Variants in SRRM2 observed in about 807,000 individuals in gnomAD.
SRRM2 encodes serine/arginine repetitive matrix 2, also known as serine/arginine repetitive matrix protein 2.
Under a neutral mutation model 213.8 loss-of-function variants are expected in SRRM2, and 30 were observed. That is an observed-to-expected ratio of 0.14 (90% CI 0.10 to 0.19). SRRM2 has a LOEUF of 0.19. Ranked by LOEUF, SRRM2 falls within the 10% of genes least tolerant of loss-of-function variation. SRRM2 has a pLI of 1.00. For missense variants in SRRM2, 4,904 were observed against 3,647.0 expected (o/e 1.34, Z -8.88); for synonymous variants, 2,025 against 1,377.7 (o/e 1.47, Z -10.40).
At position 2,759,657 on chromosome 16, in the gene SRRM2, A is replaced by G. The variant is rs1218261783; in HGVS notation, c.829A>G (p.Ser277Gly). 6.2e-7 allele frequency: 1 copy of G among 1,613,558 alleles called. No homozygotes were observed. The highest frequency in any genetic ancestry group is 2.2e-5 in the East Asian group (1 of 44,884). ...DSASSSDTSR[S>G]RSRSAAAKTH... ...TGCTTCCTCCTCCGATACTTCCCGC[A>G]GTCGGTAAGGGGTAGTCCAGGAGGA... Residue 277 changes from serine (S) to glycine (G), a missense_variant, in exon 9 of 15, where the codon AGT (serine) becomes GGT (glycine). Ser to Gly is a moderately conservative substitution (Grantham distance 56, BLOSUM62 0). Coordinates refer to ENST00000301740, the MANE Select transcript of SRRM2 (RefSeq NM_016333.4).
At position 2,762,446 on chromosome 16, in the gene SRRM2, C is replaced by T. The variant is rs749895310; in HGVS notation, c.1918C>T (p.Pro640Ser). ...ACGACGCAGGTCTCGTAGTAGATCA[C>T]CAGCCAGGAGAAGTGGCAGGTCACG... ...PVRRRSRSRSPARRSGRSRSR... is the reference protein window; with the variant it reads ...PVRRRSRSRSSARRSGRSRSR... The change falls in exon 11 of 15, where the codon CCA becomes TCA. Residue 640 changes from proline (P) to serine (S), a missense_variant. Physicochemically the swap from Pro to Ser is moderately conservative, Grantham distance 74. Transcript: ENST00000301740. 1.9e-6 allele frequency: 3 copies of T among 1,613,384 alleles called. No individual in the cohort carries two copies. The highest frequency in any genetic ancestry group is 2.5e-6 in the Non-Finnish European group (3 of 1,179,846).
chr16:2,770,876 T>C lies in SRRM2; in HGVS notation c.*9T>C, dbSNP rs761019260. On this transcript the variant is annotated 3_prime_UTR_variant, in exon 15 of 15. Transcript: ENST00000301740. ...CTTGCAGGTCTCCATAAATTGTCTT[T>C]GGGGGATTCCACCACACCCAATGCT... The C allele has an allele frequency of 1.9e-6, 3 of 1,613,904 alleles. No homozygotes were observed. The highest frequency in any genetic ancestry group is 1.7e-4 in the Middle Eastern group (1 of 5,954).
In SRRM2 at chr16:2,762,185, A is replaced by C; in HGVS notation, c.1657A>C (p.Arg553=). The C allele has an allele frequency of 1.2e-6, 2 of 1,614,090 alleles. No individual in the cohort carries two copies. The highest frequency in any genetic ancestry group is 1.7e-6 in the Non-Finnish European group (2 of 1,179,990). ...GAGCAGAAATACCCAGAGAAGAGGC[A>C]GGTCTAGGTCAGCAAGGCGAGGGAG... The part of the protein sequence containing the change: ...SRSRNTQRRG[R]SRSARRGRSH... The change falls in exon 11 of 15, where the codon AGG becomes CGG. Residue 553 remains arginine (R), a synonymous_variant. Coordinates refer to ENST00000301740, the MANE Select transcript of SRRM2 (RefSeq NM_016333.4).
At chr16:2,755,840 C>T (rs1249701708) in intron 1 of SRRM2, among the ~76,000 whole-genome samples, 1 of 152,070 alleles carries the variant, frequency 6.6e-6, no homozygotes. Flanking sequence ...TTGGGAGAGT[C>T]TTTGGACATG....
At chr16:2,758,165 G>A (rs1262609668) in intron 4 of SRRM2, among the ~76,000 whole-genome samples, 2 of 152,170 alleles carry the variant, frequency 1.3e-5, no homozygotes, top group African/African-American at 4.8e-5. Flanking sequence ...CTTGAGGCCA[G>A]GAGTTTGAGA....
At chr16:2,753,558 C>T (rs1223852270) in intron 1 of SRRM2, 1 of 152,206 alleles carries the variant, frequency 6.6e-6, no homozygotes, top group Non-Finnish European at 1.5e-5. Flanking sequence ...ACTTTTTCAA[C>T]GTCTCCCGAG....
chr16:2,769,108 C>T lies in SRRM2; in HGVS notation c.7845C>T (p.Ser2615=), dbSNP rs149795306. ...CTAGCAGTTCCAGTTCCAGCTCCTC[C>T]TCTTCATCTTCCTCCTCCTCCTCCT... The part of the protein sequence containing the change: ...RRSSSSSSSS[S]SSSSSSSSSS... Residue 2615 remains serine, a synonymous_variant, in exon 12 of 15, where the codon TCC becomes TCT. Coordinates refer to ENST00000301740, the MANE Select transcript of SRRM2 (RefSeq NM_016333.4). 3.1e-6 allele frequency: 5 copies of T among 1,613,880 alleles called. No homozygotes were observed. Among genetic ancestry groups the T allele is most frequent in the South Asian group, 1.1e-5 (1 of 91,080 alleles).
rs142769330 is a variant in SRRM2, at chr16:2,767,730, T to G, written c.7202T>G (p.Leu2401Arg). The G allele has an allele frequency of 6.3e-5, 102 of 1,612,540 alleles. No individual in the cohort carries two copies. The highest frequency in any genetic ancestry group is 8.2e-5 in the Non-Finnish European group (97 of 1,179,774). ...ERVSGRTSPPLLDRARSRTPP... is the reference protein window; with the variant it reads ...ERVSGRTSPPRLDRARSRTPP... The stretch of plus-strand genomic sequence containing the variant: ...GTCAGTGGCAGAACCTCACCACCGC[T>G]CCTTGACCGAGCTAGGTCCAGAACA... Residue 2401 changes from leucine (L) to arginine (R), a missense_variant, in exon 11 of 15, where the codon CTC (leucine) becomes CGC (arginine). Leu to Arg is a moderately radical substitution (Grantham distance 102). Coordinates refer to ENST00000301740, the MANE Select transcript of SRRM2 (RefSeq NM_016333.4).
intron 1 of SRRM2, among the ~76,000 whole-genome samples, chr16:2,756,069 G>T (rs920821873): frequency 2.0e-5 from 3 of 152,218 alleles, no homozygotes; most frequent in African/African-American, 7.2e-5. Context: ...TTAGGTGTAG[G>T]GAGGGATTAT....
rs111721270 is a variant in SRRM2 at position 2,759,405 on chromosome 16, G to A, written c.740+3G>A. 1.3e-6 allele frequency: 2 copies of A among 1,591,982 alleles called. No individual in the cohort carries two copies. The highest frequency in any genetic ancestry group is 1.4e-5 in the African/African-American group (1 of 73,772). On this transcript the variant is annotated splice_donor_region_variant and intron_variant, in intron 8 of 14. Coordinates refer to ENST00000301740, the MANE Select transcript of SRRM2 (RefSeq NM_016333.4). ...TCTAAGGACAAAAAGCGAAAGCGGT[G>A]AGTGAATTTGTGGGGAATTTGCTTA...
At position 2,763,557 on chromosome 16, in the gene SRRM2, C is replaced by T. The variant is rs143108783; in HGVS notation, c.3029C>T (p.Ser1010Phe). 4 of 1,614,176 alleles carry T rather than the reference C, an allele frequency of 2.5e-6. 1 individual carries two copies. The South Asian group carries it at 4.4e-5, about 18-fold the overall frequency. The part of the protein sequence containing the change: ...KAQTPPGPSL[S>F]GSKSPCPQEK... ...CAAACTCCACCGGGGCCAAGTCTTTCTGGATCAAAGTCACCATGTCCCCAA... is the reference window on the plus strand; with the variant it reads ...CAAACTCCACCGGGGCCAAGTCTTTTTGGATCAAAGTCACCATGTCCCCAA... Residue 1010 changes from serine (S) to phenylalanine (F), a missense_variant, in exon 11 of 15, where the codon TCT becomes TTT. Ser to Phe is a radical substitution (Grantham distance 155). Transcript: ENST00000301740.
rs372723122 is a variant in SRRM2 at position 2,757,835 on chromosome 16, C to T, written c.405C>T (p.Leu135=). 6.2e-7 allele frequency: 1 copy of T among 1,613,964 alleles called. No individual in the cohort carries two copies. The highest frequency in any genetic ancestry group is 8.5e-7 in the Non-Finnish European group (1 of 1,179,846). The change falls in exon 4 of 15, where the codon CTC becomes CTT. Residue 135 remains leucine, a synonymous_variant. Coordinates refer to ENST00000301740, the MANE Select transcript of SRRM2 (RefSeq NM_016333.4). ...TAAATGAGAAGAAGAATGAAAGACTCCGTGCTGCCTTTGGCATCAGTGATT... is the reference window on the plus strand; with the variant it reads ...TAAATGAGAAGAAGAATGAAAGACTTCGTGCTGCCTTTGGCATCAGTGATT... ...AELNEKKNER[L]RAAFGISDSY...
chr16:2,760,504 G>T lies in SRRM2; in HGVS notation c.1032+5G>T, dbSNP rs374292969. ...AAAGATAAAGACAAGAAGGAGGTATGTTCCTGAGTTGGTGATGTTCATTGG... is the reference window on the plus strand; with the variant it reads ...AAAGATAAAGACAAGAAGGAGGTATTTTCCTGAGTTGGTGATGTTCATTGG... On this transcript the variant is annotated splice_donor_5th_base_variant and intron_variant, in intron 10 of 14. Transcript: ENST00000301740. 7.4e-6 allele frequency: 12 copies of T among 1,613,940 alleles called. No individual in the cohort carries two copies. Among genetic ancestry groups the T allele is most frequent in the Non-Finnish European group, 1.0e-5 (12 of 1,179,978 alleles).
intron 1 of SRRM2, 59 bp from the exon 2 acceptor site, chr16:2,756,275 G>A: frequency 7.1e-7 from 1 of 1,411,508 alleles, no homozygotes; most frequent in Admixed American, 2.7e-5. Flanking sequence ...TGGGTGTGGG[G>A]CGGTAAGTGG....
intron 1 of SRRM2, among the ~76,000 whole-genome samples, chr16:2,755,154 T>C (rs532793442): frequency 7.3e-4 from 111 of 152,326 alleles, no homozygotes; most frequent in African/African-American, 2.5e-3. Flanking sequence ...AAAGAGAGTA[T>C]ATGTAATAGG....
At chr16:2,753,058 T>C (rs2067991347) in intron 1 of SRRM2, among the ~76,000 whole-genome samples, 2 of 68,692 alleles carry the variant, frequency 2.9e-5, no homozygotes, top group East Asian at 4.4e-4. Flanking sequence ...CCCTCCCCCA[T>C]GACAACGGCG....
In SRRM2 at chr16:2,762,531, G is replaced by T; in HGVS notation, c.2003G>T (p.Arg668Leu). The T allele has an allele frequency of 6.2e-7, 1 of 1,613,996 alleles. No homozygotes were observed. The highest frequency in any genetic ancestry group is 8.5e-7 in the Non-Finnish European group (1 of 1,179,988). The change falls in exon 11 of 15, where the codon CGC (arginine) becomes CTC (leucine). Residue 668 changes from arginine (R) to leucine (L), a missense_variant. Coordinates refer to ENST00000301740, the MANE Select transcript of SRRM2 (RefSeq NM_016333.4). ...SRSRTPARRG[R>L]SRSRTPARRS... ...TCCAGAACCCCAGCCAGACGTGGCC[G>T]CTCACGCTCTAGAACCCCAGCTAGA...
chr16:2,758,489 A>G lies in SRRM2; in HGVS notation c.535A>G (p.Ser179Gly). The change falls in exon 5 of 15, where the codon AGT (serine) becomes GGT (glycine). Residue 179 changes from serine to glycine, a missense_variant. Physicochemically the swap from Ser to Gly is moderately conservative, Grantham distance 56 (BLOSUM62 0). Transcript: ENST00000301740. ...KPYSLVRESS[S>G]SRSPTPKQKK... ...CCCTAGCCTTGTTCGGGAGTCTAGC[A>G]GTTCTCGCTCACCAACCCCAAAGCA... 1 of 1,614,158 alleles carries G rather than the reference A, an allele frequency of 6.2e-7. No homozygotes were observed. The highest frequency in any genetic ancestry group is 8.5e-7 in the Non-Finnish European group (1 of 1,180,018).
At position 2,764,125 on chromosome 16, in the gene SRRM2, A is replaced by T. The variant is rs760766585; in HGVS notation, c.3597A>T (p.Ser1199=). 6.2e-7 allele frequency: 1 copy of T among 1,614,052 alleles called. No individual in the cohort carries two copies. The highest frequency in any genetic ancestry group is 8.5e-7 in the Non-Finnish European group (1 of 1,180,042). ...PFPVQDRPES[S]LVFKDTLRTP... is the part of the protein sequence containing the mutation. ...CAGTACAGGATAGGCCTGAGTCTTCACTGGTATTCAAAGACACACTTAGAA... is the reference window on the plus strand; with the variant it reads ...CAGTACAGGATAGGCCTGAGTCTTCTCTGGTATTCAAAGACACACTTAGAA... Residue 1199 remains serine (S), a synonymous_variant, in exon 11 of 15, where the codon TCA becomes TCT. Transcript: ENST00000301740.
Sources: gnomAD v4.1 joint callset for allele counts (sites outside exome capture counted in the v4.1 genomes callset) on GRCh38, gnomAD v4.1.1 for gene constraint, MANE v1.5 for transcripts, NCBI Gene and HGNC (gene_info 2026-07-23, HGNC 2026-07-21) for gene names.